The following CDR2 variants were observed in gnomAD, a reference collection of about 807,000 sequenced individuals.
The protein encoded by CDR2 is cerebellar degeneration related protein 2, also known as cerebellar degeneration-related protein 2.
A neutral mutation model predicts 48.4 loss-of-function variants in CDR2; 34 were observed. The observed-to-expected ratio is 0.70, with a 90% confidence interval of 0.53 to 0.94. The LOEUF is 0.94. CDR2 is among the 40% of genes least tolerant of loss of function. The pLI, the probability that CDR2 is intolerant of heterozygous loss-of-function variation, is 0.00. For missense variants in CDR2, 498 were observed against 549.5 expected (o/e 0.91, Z 0.94); for synonymous variants, 240 against 219.7 (o/e 1.09, Z -0.82).
chr16:22,374,440 C>T lies in CDR2; in HGVS notation c.-131G>A, dbSNP rs1033355509. 1.0e-5 allele frequency: 4 copies of T among 384,160 alleles called. No individual in the cohort carries two copies. The highest frequency in any genetic ancestry group is 1.8e-5 in the Non-Finnish European group (4 of 227,344). The allele number at this position is 384,160 out of a possible 1,614,324, so 23.8% of individuals were successfully genotyped here. A position where few individuals can be genotyped will look rare whatever the true frequency, so the allele number is the denominator to read the frequency against. ...GCGGGACGCGCCGCCGCCCAGACTCCGCTGCGCCGCCTCAGCCCCGTTCCC... is the reference window on the plus strand; with the variant it reads ...GCGGGACGCGCCGCCGCCCAGACTCTGCTGCGCCGCCTCAGCCCCGTTCCC... On this transcript the variant is annotated 5_prime_UTR_variant, in exon 1 of 5. Coordinates refer to ENST00000268383, the MANE Select transcript of CDR2 (RefSeq NM_001802.2).
At chr16:22,360,739 CTTTTTTTTTTTT>C (rs201976962) in intron 2 of CDR2, among the ~76,000 whole-genome samples, 1,520 of 74,126 alleles carry the variant, frequency 0.021, 40 homozygotes, top group South Asian at 0.085. Flanking sequence ...AAAAAATGAT[CTTTTTTTTTTTT>C]TTTTTTTTTT....
intron 1 of CDR2, among the ~76,000 whole-genome samples, chr16:22,368,493 G>A (rs1567350102): frequency 6.6e-6 from 1 of 152,364 alleles, no homozygotes; most frequent in Non-Finnish European, 1.5e-5. Flanking sequence ...TTATAGGCAT[G>A]AGCCACTGCC....
rs1489121513 is a variant in CDR2 at position 22,349,756 on chromosome 16, C to T, written c.286G>A (p.Glu96Lys). Reference sequence around the variant, plus strand: ...TCAGCAACTAGCTTTTGATTTGTTTCTTCCAGTTCCCTTGCTGTGACGTCT... The same window carrying T: ...TCAGCAACTAGCTTTTGATTTGTTTTTTCCAGTTCCCTTGCTGTGACGTCT... ...QLDVTARELE[E>K]TNQKLVADSK... The change falls in exon 3 of 5, where the codon GAA (glutamate) becomes AAA (lysine). Residue 96 changes from glutamate (E) to lysine (K), a missense_variant. Physicochemically the swap from Glu to Lys is moderately conservative, Grantham distance 56 (BLOSUM62 1). Coordinates refer to ENST00000268383, the MANE Select transcript of CDR2 (RefSeq NM_001802.2). 1.2e-6 allele frequency: 2 copies of T among 1,614,054 alleles called. No individual in the cohort carries two copies. The highest frequency in any genetic ancestry group is 1.7e-6 in the Non-Finnish European group (2 of 1,179,950).
intron 4 of CDR2, 95 bp from the exon 5 acceptor site, chr16:22,347,918 G>A: frequency 8.0e-7 from 1 of 1,246,340 alleles, no homozygotes; most frequent in Non-Finnish European, 1.1e-6. Flanking sequence ...ATAAATTTGA[G>A]GAGCTGTGAC....
chr16:22,349,596 A>C, intron 3 of CDR2, 105 bp downstream of exon 3: 1 of 1,419,316 alleles, frequency 7.0e-7, no homozygotes, highest in Non-Finnish European at 9.7e-7. Flanking sequence ...AATTAAATTA[A>C]ACCTTATCCC....
intron 4 of CDR2, among the ~76,000 whole-genome samples, chr16:22,348,120 A>T (rs917659606): frequency 3.9e-5 from 6 of 152,054 alleles, no homozygotes; most frequent in Non-Finnish European, 7.4e-5. Flanking sequence ...TATTTTTAGT[A>T]GAGACGGGGT....
chr16:22,368,386 T>C (rs1432085504), intron 1 of CDR2, among the ~76,000 whole-genome samples: 2 of 152,124 alleles, frequency 1.3e-5, no homozygotes, highest in African/African-American at 4.8e-5. Context: ...ATTTTTGTAT[T>C]GTTAGTAGAG....
Position 22,346,177 on chromosome 16 carries a change from G to A in CDR2, c.*788C>T, listed in dbSNP as rs2048902768. ...AGTCAGCCAGCTCAGAAAACAGGTA[G>A]GAAGGGAAGGGGTTTGATCTTTCCC... On this transcript the variant is annotated 3_prime_UTR_variant, in exon 5 of 5. Coordinates refer to ENST00000268383, the MANE Select transcript of CDR2 (RefSeq NM_001802.2). The A allele has an allele frequency of 6.6e-6, 1 of 152,340 alleles. No homozygotes were observed. Among genetic ancestry groups the A allele is most frequent in the South Asian group, 2.1e-4 (1 of 4,834 alleles). The allele number at this position is 152,340 out of a possible 1,614,324, so 9.4% of individuals were successfully genotyped here. A position where few individuals can be genotyped will look rare whatever the true frequency, so the allele number is the denominator to read the frequency against.
Position 22,346,834 on chromosome 16 carries a change from T to C in CDR2, c.*131A>G, listed in dbSNP as rs2048908083. On this transcript the variant is annotated 3_prime_UTR_variant, in exon 5 of 5. Transcript: ENST00000268383. ...CACCTCCTTTCCTCGTTGTATGCATTTGCTAAATAAGCAAAGCAATGAGGC... is the reference window on the plus strand; with the variant it reads ...CACCTCCTTTCCTCGTTGTATGCATCTGCTAAATAAGCAAAGCAATGAGGC... 2.0e-6 allele frequency: 2 copies of C among 1,000,448 alleles called. No homozygotes were observed. Among genetic ancestry groups the C allele is most frequent in the Non-Finnish European group, 3.0e-6 (2 of 666,700 alleles). 62.0% of individuals were successfully genotyped at this position (1,000,448 alleles called of 1,614,324 possible).
intron 2 of CDR2, among the ~76,000 whole-genome samples, chr16:22,360,686 G>C (rs1310856351): frequency 6.6e-6 from 1 of 150,868 alleles, no homozygotes; most frequent in Non-Finnish European, 1.5e-5. Flanking sequence ...TGGTGGGATA[G>C]GAGCTGACTT....
At chr16:22,347,947 CT>C (rs889991676) in intron 4 of CDR2, 124 bp from the exon 5 acceptor site, 263 of 939,496 alleles carry the variant, frequency 2.8e-4, no homozygotes, top group Non-Finnish European at 3.3e-4. Context: ...ATTTTTTTTT[CT>C]TTTTTTTTGA....
At chr16:22,354,542 A>G (rs1050251175) in intron 2 of CDR2, among the ~76,000 whole-genome samples, 4 of 152,184 alleles carry the variant, frequency 2.6e-5, no homozygotes, top group African/African-American at 9.6e-5. Flanking sequence ...TCTCAGTCCA[A>G]ACAAATACTG....
intron 1 of CDR2, 24 bp downstream of exon 1, chr16:22,374,206 GC>G: frequency 6.5e-7 from 1 of 1,530,064 alleles, no homozygotes; most frequent in Admixed American, 1.9e-5. Context: ...GCCGCCGCCC[GC>G]CCGCGGGGCG....
chr16:22,364,176 TG>T (rs1435208432), intron 2 of CDR2, among the ~76,000 whole-genome samples: 1 of 152,052 alleles, frequency 6.6e-6, no homozygotes, highest in East Asian at 1.9e-4. Flanking sequence ...TTCCTGAGCT[TG>T]GGCAATCTGT....
At chr16:22,372,355 GAA>G (rs1192048285) in intron 1 of CDR2, among the ~76,000 whole-genome samples, 1 of 152,180 alleles carries the variant, frequency 6.6e-6, no homozygotes, top group African/African-American at 2.4e-5. Context: ...GCACCTGATG[GAA>G]GAGAGCCATG....
At chr16:22,354,116 C>T (rs1303415956) in intron 2 of CDR2, among the ~76,000 whole-genome samples, 1 of 152,182 alleles carries the variant, frequency 6.6e-6, no homozygotes, top group African/African-American at 2.4e-5. Flanking sequence ...GTGTAAGAAC[C>T]TGGGTCCCTT....
In CDR2 at chr16:22,347,919, G is replaced by A. The variant is rs2085958979; in HGVS notation, c.507-96C>T. Reference sequence around the variant, plus strand: ...TTTTTTTCAACTAAATAAATTTGAGGAGCTGTGACAGTGACTAATTTTTTT... The same window carrying A: ...TTTTTTTCAACTAAATAAATTTGAGAAGCTGTGACAGTGACTAATTTTTTT... On this transcript the variant is annotated intron_variant, in intron 4 of 4. Transcript: ENST00000268383. 3 of 1,222,830 alleles carry A rather than the reference G, an allele frequency of 2.5e-6. No individual in the cohort carries two copies. The African/African-American group carries it at 4.5e-5, about 19-fold the overall frequency. 75.7% of individuals were successfully genotyped at this position (1,222,830 alleles called of 1,614,324 possible).
chr16:22,349,054 T>C (rs954343162), intron 4 of CDR2: 1 of 443,788 alleles, frequency 2.3e-6, no homozygotes, highest in Non-Finnish European at 4.0e-6. Flanking sequence ...TATGATTTAA[T>C]ACATTAAAAA....
intron 1 of CDR2, chr16:22,368,852 T>G (rs1367481152): frequency 6.6e-6 from 1 of 152,230 alleles, no homozygotes; most frequent in African/African-American, 2.4e-5. Context: ...ATTTGGGTTT[T>G]TATTGCCTGC....
Sources: allele counts gnomAD v4.1 joint callset (sites outside exome capture counted in the v4.1 genomes callset), GRCh38; gene constraint gnomAD v4.1.1; transcripts MANE v1.5; gene names NCBI Gene and HGNC (gene_info 2026-07-23, HGNC 2026-07-21).